Variants in DISC1 observed in about 807,000 individuals in gnomAD.
The protein encoded by DISC1 is disrupted in schizophrenia 1 protein.
DISC1 carries 57 observed loss-of-function variants against 84.5 expected under a neutral mutation model. The observed-to-expected ratio is 0.67, with a 90% CI of 0.55 to 0.84. The LOEUF (loss-of-function observed/expected upper bound fraction) is 0.84. Ranked by LOEUF, DISC1 falls within the 40% of genes least tolerant of loss-of-function variation. The probability of loss-of-function intolerance (pLI) is 0.00; values close to 1 mark genes in which losing one functional copy is unlikely to be tolerated. For missense variants in DISC1, 1,000 were observed against 1,057.8 expected (o/e 0.95, Z 0.76); for synonymous variants, 411 against 415.2 (o/e 0.99, Z 0.12).
At chr1:231,850,841 G>T (rs1406525057) in intron 9 of DISC1, among the ~76,000 whole-genome samples, 1 of 152,106 alleles carries the variant, frequency 6.6e-6, no homozygotes, top group Non-Finnish European at 1.5e-5. Context: ...AAAGTCCGAC[G>T]CTCTGGCTCT....
At chr1:231,661,213 A>T (rs1373233790) in intron 1 of DISC1, among the ~76,000 whole-genome samples, 1 of 150,110 alleles carries the variant, frequency 6.7e-6, no homozygotes, top group African/African-American at 2.5e-5. Context: ...TCTGATGATT[A>T]TGTGTCTGGG....
chr1:231,771,102 G>A (rs760711671), intron 6 of DISC1, 32 bp downstream of exon 6: 3 of 1,540,946 alleles, frequency 1.9e-6, no homozygotes, highest in Non-Finnish European at 2.6e-6. Flanking sequence ...ATTTTGGGTC[G>A]CTCGCCTCTT....
At chr1:231,873,852 T>TTC in intron 9 of DISC1, among the ~76,000 whole-genome samples, 1 of 151,456 alleles carries the variant, frequency 6.6e-6, no homozygotes, top group Non-Finnish European at 1.5e-5. Flanking sequence ...TAAATAATTT[T>TTC]TTTTTTTGAG....
At chr1:231,729,872 G>T (rs140461436) in intron 3 of DISC1, among the ~76,000 whole-genome samples, 74 of 152,094 alleles carry the variant, frequency 4.9e-4, no homozygotes, top group African/African-American at 1.7e-3. Context: ...TTCCAGAAAG[G>T]GATGTACACA....
chr1:231,964,547 A>G (rs1336393906), intron 10 of DISC1, among the ~76,000 whole-genome samples: 1 of 152,198 alleles, frequency 6.6e-6, no homozygotes, highest in Non-Finnish European at 1.5e-5. Flanking sequence ...AGCAGCTAGG[A>G]GTCTGCAACC....
At chr1:231,952,709 A>ATG (rs1478330267) in intron 9 of DISC1, among the ~76,000 whole-genome samples, 1 of 135,982 alleles carries the variant, frequency 7.4e-6, no homozygotes, top group African/African-American at 2.6e-5. Flanking sequence ...ATATATATAT[A>ATG]TATATGTATA....
intron 9 of DISC1, among the ~76,000 whole-genome samples, chr1:231,848,341 T>G (rs2125890106): frequency 6.6e-6 from 1 of 152,290 alleles, no homozygotes; most frequent in South Asian, 2.1e-4. Context: ...ACTATAAATG[T>G]TTGCTGAGTG....
chr1:231,837,412 G>A (rs1396192400), intron 9 of DISC1, among the ~76,000 whole-genome samples: 1 of 152,130 alleles, frequency 6.6e-6, no homozygotes, highest in Non-Finnish European at 1.5e-5. Context: ...CAAGCCTATT[G>A]TTTGCCTTTA....
chr1:231,798,229 G>T (rs1301050368), intron 7 of DISC1, among the ~76,000 whole-genome samples: 1 of 151,548 alleles, frequency 6.6e-6, no homozygotes, highest in Admixed American at 6.6e-5. Context: ...AACTCTTATG[G>T]GTTACCCAAA....
rs1667786138 is a variant in DISC1 at position 232,008,970 on chromosome 1, A to G, written c.2228A>G (p.Lys743Arg). ...AGGCTCCACTCCGAGGATAAAAGGA[A>G]GACCCCTTTGAAGGTATTGGAAGAA... ...PPRLHSEDKR[K>R]TPLKVLEEWK... The change falls in exon 11 of 13, where the codon AAG (lysine) becomes AGG (arginine). Residue 743 changes from lysine (K) to arginine (R), a missense_variant. Coordinates refer to ENST00000439617, the MANE Select transcript of DISC1 (RefSeq NM_018662.3). 5 of 1,613,910 alleles carry G rather than the reference A, an allele frequency of 3.1e-6. No homozygotes were observed. The East Asian group carries it at 1.1e-4, about 36-fold the overall frequency.
intron 9 of DISC1, among the ~76,000 whole-genome samples, chr1:231,851,033 C>T (rs1191294950): frequency 6.6e-6 from 1 of 152,158 alleles, no homozygotes; most frequent in African/African-American, 2.4e-5. Flanking sequence ...GATCATGTGC[C>T]TGGAGAGGTC....
intron 9 of DISC1, chr1:231,818,889 T>G: frequency 9.6e-7 from 1 of 1,043,710 alleles, no homozygotes; most frequent in Non-Finnish European, 1.2e-6. Context: ...AATCATAGAC[T>G]AAATCAGGCT....
chr1:232,029,732 A>G (rs1023461416), intron 12 of DISC1, among the ~76,000 whole-genome samples: 16 of 152,238 alleles, frequency 1.1e-4, no homozygotes, highest in African/African-American at 3.6e-4. Context: ...AGATGCTACC[A>G]TGGATGTTTA....
At chr1:232,034,830 A>G (rs1315914637) in intron 12 of DISC1, among the ~76,000 whole-genome samples, 1 of 152,116 alleles carries the variant, frequency 6.6e-6, no homozygotes, top group Non-Finnish European at 1.5e-5. Flanking sequence ...TTGCTTGTAT[A>G]AAGTGGTATA....
intron 9 of DISC1, among the ~76,000 whole-genome samples, chr1:231,936,023 A>G (rs2090962895): frequency 6.6e-6 from 1 of 152,124 alleles, no homozygotes; most frequent in African/African-American, 2.4e-5. Flanking sequence ...CCAGGTTTAG[A>G]CAGCTGCCCC....
intron 10 of DISC1, among the ~76,000 whole-genome samples, chr1:231,969,636 C>T (rs919358428): frequency 1.5e-4 from 22 of 147,884 alleles, no homozygotes; most frequent in African/African-American, 2.0e-4. Flanking sequence ...TTCTAGGGTA[C>T]GTGTGCACAA....
intron 6 of DISC1, among the ~76,000 whole-genome samples, chr1:231,791,170 T>C (rs1050707483): frequency 6.6e-6 from 1 of 152,232 alleles, no homozygotes; most frequent in African/African-American, 2.4e-5. Context: ...TAAAGAATAA[T>C]GTGTATTTAC....
chr1:231,758,435 T>C (rs1406600825), intron 4 of DISC1, among the ~76,000 whole-genome samples: 1 of 151,264 alleles, frequency 6.6e-6, no homozygotes, highest in East Asian at 1.9e-4. Context: ...AACCATGGGG[T>C]AGGGGAGAAA....
intron 9 of DISC1, among the ~76,000 whole-genome samples, chr1:231,912,023 A>G (rs1395977635): frequency 1.3e-5 from 2 of 152,108 alleles, no homozygotes; most frequent in Admixed American, 6.6e-5. Context: ...TCATCTCCAT[A>G]AAGTCATTTA....
Sources: gnomAD v4.1 joint callset for allele counts (sites outside exome capture counted in the v4.1 genomes callset) on GRCh38, gnomAD v4.1.1 for gene constraint, MANE v1.5 for transcripts, NCBI Gene and HGNC (gene_info 2026-07-23, HGNC 2026-07-21) for gene names.